Variants in GALNT7 observed in about 807,000 individuals in gnomAD.
GALNT7 encodes the protein N-acetylgalactosaminyltransferase 7.
GALNT7 carries 60 observed loss-of-function variants against 82.1 expected under a neutral mutation model. The observed-to-expected ratio is 0.73, with a 90% CI of 0.59 to 0.91. GALNT7 has a LOEUF of 0.91. Among genes scored for constraint, GALNT7 ranks in the 40% least tolerant of loss-of-function variants. The pLI is 0.00. For synonymous variants in GALNT7, 243 were observed against 275.1 expected (o/e 0.88, Z 1.15); for missense variants, 660 against 804.2 (o/e 0.82, Z 2.17).
At chr4:173,318,382 C>T in intron 10 of GALNT7, 49 bp from the exon 11 acceptor site, 2 of 1,488,774 alleles carry the variant, frequency 1.3e-6, no homozygotes, top group South Asian at 1.3e-5. Flanking sequence ...AAATGCACAT[C>T]AGCAGGGAAG....
chr4:173,281,977 G>A (rs1368294575), intron 2 of GALNT7, among the ~76,000 whole-genome samples: 3 of 152,170 alleles, frequency 2.0e-5, no homozygotes, highest in Admixed American at 2.0e-4. Context: ...TAAGGAGCAT[G>A]GACACAAGGG....
At chr4:173,182,550 A>C (rs1355036954) in intron 1 of GALNT7, among the ~76,000 whole-genome samples, 1 of 152,190 alleles carries the variant, frequency 6.6e-6, no homozygotes, top group Admixed American at 6.5e-5. Context: ...TTAAGGATAA[A>C]AAATGTCAGT....
intron 2 of GALNT7, among the ~76,000 whole-genome samples, chr4:173,268,978 A>G (rs1372354638): frequency 6.6e-6 from 1 of 152,116 alleles, no homozygotes; most frequent in Non-Finnish European, 1.5e-5. Context: ...TATATTTAGT[A>G]TGGGGCTCAG....
Position 173,298,270 on chromosome 4 carries a change from TGAGA to T in GALNT7, c.1122_1125del (p.Lys376GlnfsTer86). The T allele has an allele frequency of 1.3e-6, 2 of 1,578,084 alleles. No individual in the cohort carries two copies. Among genetic ancestry groups the T allele is most frequent in the Non-Finnish European group, 1.7e-6 (2 of 1,168,420 alleles). ...CCTCTGACCCCTCAAGAGAAGAGAC[TGAGA>T]AAGACAAAAACTGAACCGTATCGGT... On this transcript the variant is annotated frameshift_variant, in exon 6 of 12. Coordinates refer to ENST00000265000, the MANE Select transcript of GALNT7 (RefSeq NM_017423.3). LOFTEE classifies it high-confidence loss of function.
intron 1 of GALNT7, among the ~76,000 whole-genome samples, chr4:173,201,250 CT>C (rs1732938286): frequency 6.6e-6 from 1 of 151,948 alleles, no homozygotes; most frequent in Admixed American, 6.6e-5. Context: ...TAGTGTTTTA[CT>C]GTATGTTTTT....
At chr4:173,274,414 A>AT (rs1735829663) in intron 2 of GALNT7, among the ~76,000 whole-genome samples, 1 of 152,002 alleles carries the variant, frequency 6.6e-6, no homozygotes, top group African/African-American at 2.4e-5. Context: ...TAAGGAATTT[A>AT]TTTTCCTGTA....
intron 1 of GALNT7, among the ~76,000 whole-genome samples, chr4:173,170,250 G>A (rs1478568438): frequency 6.6e-6 from 1 of 152,228 alleles, no homozygotes; most frequent in Non-Finnish European, 1.5e-5. Flanking sequence ...CGAGGCGGCG[G>A]GGCTGCAGGA....
At chr4:173,178,052 T>TGTGCACGCGC (rs563102408) in intron 1 of GALNT7, among the ~76,000 whole-genome samples, 1 of 129,510 alleles carries the variant, frequency 7.7e-6, no homozygotes, top group South Asian at 2.6e-4. Flanking sequence ...TGTGTGTGTG[T>TGTGCACGCGC]GCGCGCACGC....
Position 173,292,187 on chromosome 4 carries a change from C to T in GALNT7, c.667C>T (p.Leu223Phe). The stretch of plus-strand genomic sequence containing the variant: ...CTTCCATAATGAAGGATGGTCAACC[C>T]TCATGAGAACAGTCCACAGTGTAAT... ...IVFHNEGWST[L>F]MRTVHSVIKR... Residue 223 changes from leucine to phenylalanine, a missense_variant, in exon 3 of 12, where the codon CTC becomes TTC. Coordinates refer to ENST00000265000, the MANE Select transcript of GALNT7 (RefSeq NM_017423.3). This position sits in a 1 kb window ranked among gnomAD's most constrained non-coding sequence, Gnocchi z 4.8. The T allele has an allele frequency of 6.2e-7, 1 of 1,603,732 alleles. No homozygotes were observed. Among genetic ancestry groups the T allele is most frequent in the Non-Finnish European group, 8.5e-7 (1 of 1,172,542 alleles).
chr4:173,282,762 G>A (rs1736158704), intron 2 of GALNT7, among the ~76,000 whole-genome samples: 2 of 152,170 alleles, frequency 1.3e-5, no homozygotes, highest in South Asian at 4.1e-4. Context: ...ATTAAAATGA[G>A]ACAAGGAAGG....
chr4:173,179,711 GACA>G (rs1306524627), intron 1 of GALNT7, among the ~76,000 whole-genome samples: 1 of 152,158 alleles, frequency 6.6e-6, no homozygotes, highest in Non-Finnish European at 1.5e-5. Flanking sequence ...GTGATATCAT[GACA>G]ACATCAATGT....
chr4:173,208,713 G>A (rs1280127262), intron 1 of GALNT7, among the ~76,000 whole-genome samples: 2 of 152,076 alleles, frequency 1.3e-5, no homozygotes, highest in Non-Finnish European at 2.9e-5. Context: ...TATCCTCCTT[G>A]TACCTCCGTC....
intron 1 of GALNT7, among the ~76,000 whole-genome samples, chr4:173,182,817 TAC>T (rs66792322): frequency 1.4e-3 from 185 of 134,848 alleles, no homozygotes; most frequent in Middle Eastern, 4.2e-3. Flanking sequence ...TTACTCATAA[TAC>T]ACACACACAC....
At chr4:173,202,443 A>G (rs1732970580) in intron 1 of GALNT7, among the ~76,000 whole-genome samples, 1 of 152,188 alleles carries the variant, frequency 6.6e-6, no homozygotes, top group African/African-American at 2.4e-5. Context: ...GGAGCTGAGA[A>G]ATCACCGAAA....
chr4:173,178,216 A>G (rs1732134493), intron 1 of GALNT7, among the ~76,000 whole-genome samples: 1 of 152,194 alleles, frequency 6.6e-6, no homozygotes, highest in African/African-American at 2.4e-5. Context: ...TTTAATATTT[A>G]AAGTTGGAAA....
rs371697345 is a variant in GALNT7 at position 173,319,547 on chromosome 4, A to G, written c.1836+988A>G. Among the ~76,000 whole-genome samples the G allele has an allele frequency of 3.3e-4, 51 of 152,322 alleles. No homozygotes were observed. The East Asian group carries it at 9.0e-3, about 27-fold the overall frequency. On this transcript the variant is annotated intron_variant, in intron 11 of 11. Coordinates refer to ENST00000265000, the MANE Select transcript of GALNT7 (RefSeq NM_017423.3). The stretch of plus-strand genomic sequence containing the variant: ...TTCACAAAAAAAAAGGATATATAAT[A>G]GCAATAAATAGTAGGGGTCAGTGAG...
intron 1 of GALNT7, among the ~76,000 whole-genome samples, chr4:173,217,095 G>C (rs1733495474): frequency 6.6e-6 from 1 of 151,510 alleles, no homozygotes; most frequent in Admixed American, 6.6e-5. Flanking sequence ...CTTGTTTTTT[G>C]GCCACATTAT....
chr4:173,297,822 T>C (rs1251258106), intron 5 of GALNT7: 2 of 1,459,412 alleles, frequency 1.4e-6, no homozygotes. Flanking sequence ...CTCTAATAGA[T>C]TACATAGATG....
At chr4:173,263,522 A>G (rs1304859527) in intron 2 of GALNT7, among the ~76,000 whole-genome samples, 1 of 152,216 alleles carries the variant, frequency 6.6e-6, no homozygotes, top group Non-Finnish European at 1.5e-5. Context: ...ATGAAATCCT[A>G]TCTCTACACT....
Sources: allele counts gnomAD v4.1 joint callset (sites outside exome capture counted in the v4.1 genomes callset), GRCh38; gene constraint gnomAD v4.1.1; non-coding constraint Gnocchi (gnomAD v3.1); transcripts MANE v1.5; gene names NCBI Gene and HGNC (gene_info 2026-07-23, HGNC 2026-07-21).